The following HEMK2 variants were observed in gnomAD, a reference collection of about 807,000 sequenced individuals.
HEMK2 encodes the protein HemK methyltransferase 2, ETF1 glutamine and histone H4 lysine.
chr21:28,883,554 A>G, the HEMK2 span, among the ~76,000 whole-genome samples: 9,439 of 79,702 alleles, frequency 0.12, 340 homozygotes, highest in Non-Finnish European at 0.19. Flanking sequence ...AGGTCCCCCA[A>G]TAATAGAGCA....
the HEMK2 span, among the ~76,000 whole-genome samples, chr21:28,761,499 G>A: frequency 3.3e-5 from 5 of 152,052 alleles, no homozygotes; most frequent in South Asian, 2.1e-4. Context: ...AGTAAAAATC[G>A]GATGACCTGA....
chr21:28,726,199 TC>T, the HEMK2 span, among the ~76,000 whole-genome samples: 1 of 152,112 alleles, frequency 6.6e-6, no homozygotes, highest in Admixed American at 6.5e-5. Context: ...TTAAAAAAGG[TC>T]CTTTGACTAT....
the HEMK2 span, among the ~76,000 whole-genome samples, chr21:28,653,926 T>C: frequency 6.6e-6 from 1 of 152,184 alleles, no homozygotes; most frequent in Non-Finnish European, 1.5e-5. Context: ...TTTTATCCCT[T>C]GAAGTCATTA....
the HEMK2 span, among the ~76,000 whole-genome samples, chr21:28,864,840 T>C: frequency 2.8e-3 from 387 of 136,830 alleles, 3 homozygotes; most frequent in African/African-American, 9.9e-3. Flanking sequence ...GATAGATAGA[T>C]AGATAGATAG....
At chr21:28,838,028 C>A in the HEMK2 span, among the ~76,000 whole-genome samples, 1 of 151,990 alleles carries the variant, frequency 6.6e-6, no homozygotes, top group East Asian at 1.9e-4. Flanking sequence ...TAACAAGCAG[C>A]GAGATTGAAA....
chr21:28,623,802 G>C, the HEMK2 span, among the ~76,000 whole-genome samples: 1 of 152,138 alleles, frequency 6.6e-6, no homozygotes, highest in Non-Finnish European at 1.5e-5. Context: ...ATGGACACAG[G>C]GAGGGGAACA....
chr21:28,800,050 C>G, the HEMK2 span, among the ~76,000 whole-genome samples: 1 of 152,160 alleles, frequency 6.6e-6, no homozygotes, highest in South Asian at 2.1e-4. Flanking sequence ...GTTTTATGCA[C>G]GTGATGCTGC....
the HEMK2 span, among the ~76,000 whole-genome samples, chr21:28,879,028 G>A: frequency 6.8e-6 from 1 of 147,308 alleles, no homozygotes; most frequent in Non-Finnish European, 1.5e-5. Flanking sequence ...TAATATCCAG[G>A]AGTTTATATA....
chr21:28,581,949 T>C, the HEMK2 span, among the ~76,000 whole-genome samples: 1 of 152,352 alleles, frequency 6.6e-6, no homozygotes, highest in African/African-American at 2.4e-5. Flanking sequence ...AATGTAGATA[T>C]AATCTTTCAC....
the HEMK2 span, among the ~76,000 whole-genome samples, chr21:28,727,913 A>G: frequency 0.47 from 71,124 of 152,092 alleles, 18,428 homozygotes; most frequent in East Asian, 0.84. Context: ...TCTGTTTTTC[A>G]TGAAGTGTGT....
At chr21:28,743,602 G>C in the HEMK2 span, among the ~76,000 whole-genome samples, 4 of 152,120 alleles carry the variant, frequency 2.6e-5, no homozygotes, top group Admixed American at 2.0e-4. Flanking sequence ...ATGGAAGAGA[G>C]GAAGGGAGGG....
the HEMK2 span, among the ~76,000 whole-genome samples, chr21:28,794,944 C>G: frequency 6.6e-6 from 1 of 152,178 alleles, no homozygotes; most frequent in Admixed American, 6.5e-5. Flanking sequence ...CCATTAAAGT[C>G]CAGACCTGGT....
chr21:28,682,524 C>G, the HEMK2 span, among the ~76,000 whole-genome samples: 1 of 151,570 alleles, frequency 6.6e-6, no homozygotes, highest in African/African-American at 2.4e-5. Context: ...ACTAGAAATA[C>G]CATTTGACCC....
chr21:28,653,456 T>C, the HEMK2 span, among the ~76,000 whole-genome samples: 111 of 152,282 alleles, frequency 7.3e-4, 1 homozygote, highest in Admixed American at 6.4e-3. Flanking sequence ...ATCCTTGTCC[T>C]AGCTATTCAA....
chr21:28,849,650 C>T, the HEMK2 span, among the ~76,000 whole-genome samples: 1 of 152,122 alleles, frequency 6.6e-6, no homozygotes, highest in African/African-American at 2.4e-5. Context: ...AGAGGTAAAA[C>T]ACGAAATCGC....
the HEMK2 span, among the ~76,000 whole-genome samples, chr21:28,789,075 C>A: frequency 6.6e-6 from 1 of 151,860 alleles, no homozygotes; most frequent in Non-Finnish European, 1.5e-5. Flanking sequence ...AGGTTTCTGA[C>A]CTGCAGAATT....
chr21:28,806,634 C>A, the HEMK2 span, among the ~76,000 whole-genome samples: 1 of 152,178 alleles, frequency 6.6e-6, no homozygotes, highest in African/African-American at 2.4e-5. Context: ...CTTTCCTGGT[C>A]TGCAAAAGAC....
chr21:28,841,020 TA>T, the HEMK2 span, among the ~76,000 whole-genome samples: 3 of 112,620 alleles, frequency 2.7e-5, no homozygotes, highest in Admixed American at 1.4e-4. Context: ...ATATAATATA[TA>T]AATAAATATT....
the HEMK2 span, among the ~76,000 whole-genome samples, chr21:28,828,449 G>A: frequency 8.5e-5 from 13 of 152,290 alleles, no homozygotes; most frequent in South Asian, 2.5e-3. Flanking sequence ...ACTCTAATAC[G>A]AATGAGGCTC....
Sources: allele counts gnomAD v4.1 joint callset (sites outside exome capture counted in the v4.1 genomes callset), GRCh38; gene constraint gnomAD v4.1.1; transcripts MANE v1.5; gene names NCBI Gene and HGNC (gene_info 2026-07-23, HGNC 2026-07-21).